The following RAPGEF4 variants were observed in gnomAD, a reference collection of about 807,000 sequenced individuals.
RAPGEF4 encodes the protein Rap guanine nucleotide exchange factor 4, also known as RAP guanine-nucleotide-exchange factor (GEF) 4.
RAPGEF4 carries 66 observed loss-of-function variants against 147.9 expected under a neutral mutation model. That is an observed-to-expected ratio of 0.45 (90% CI 0.37 to 0.55). The LOEUF is 0.55. RAPGEF4 is among the 20% of genes least tolerant of loss of function. The pLI is 0.00. For missense variants in RAPGEF4, 1,071 were observed against 1,257.3 expected (o/e 0.85, Z 2.24); for synonymous variants, 419 against 442.7 (o/e 0.95, Z 0.67).
At chr2:172,821,619 C>G in intron 4 of RAPGEF4, 1 of 1,006,506 alleles carries the variant, frequency 9.9e-7, no homozygotes, top group Non-Finnish European at 1.2e-6. Context: ...GCTTCGATGA[C>G]TTGGACTTAT....
intron 1 of RAPGEF4, among the ~76,000 whole-genome samples, chr2:172,744,708 G>T (rs1422089782): frequency 6.6e-6 from 1 of 152,116 alleles, no homozygotes; most frequent in Non-Finnish European, 1.5e-5. Context: ...TGCCAGGAAT[G>T]CCAGGACAAA....
At chr2:173,009,100 T>G (rs1179659684) in intron 17 of RAPGEF4, among the ~76,000 whole-genome samples, 2 of 152,242 alleles carry the variant, frequency 1.3e-5, no homozygotes, top group Non-Finnish European at 1.5e-5. Context: ...TCCTGTAGAT[T>G]AAATACCCAA....
intron 23 of RAPGEF4, among the ~76,000 whole-genome samples, chr2:173,023,981 T>TA (rs1334480264): frequency 3.9e-5 from 6 of 152,222 alleles, no homozygotes; most frequent in Non-Finnish European, 8.8e-5. Context: ...CAACTTTTTT[T>TA]ACCTAGGACC....
In RAPGEF4 at chr2:173,048,555, C is replaced by T. The variant is rs368622435; in HGVS notation, c.2854-45C>T. The T allele has an allele frequency of 4.7e-5, 76 of 1,612,918 alleles. No individual in the cohort carries two copies. In the Middle Eastern group the frequency reaches 8.2e-4, roughly 17 times the overall value. Reference sequence around the variant, plus strand: ...GTTTTCCTTTTTGGATTGTACTCTACGCTTACTTGAATTTCTATCTTTCTT... The same window carrying T: ...GTTTTCCTTTTTGGATTGTACTCTATGCTTACTTGAATTTCTATCTTTCTT... On this transcript the variant is annotated intron_variant, in intron 29 of 30. Coordinates refer to ENST00000397081, the MANE Select transcript of RAPGEF4 (RefSeq NM_007023.4).
chr2:172,773,732 A>G (rs929021138), intron 1 of RAPGEF4, among the ~76,000 whole-genome samples: 2 of 151,656 alleles, frequency 1.3e-5, no homozygotes, highest in African/African-American at 2.4e-5. Context: ...GGAGCTGGAG[A>G]AAAAAGGCAA....
intron 4 of RAPGEF4, among the ~76,000 whole-genome samples, chr2:172,891,926 C>A (rs567317371): frequency 5.3e-5 from 8 of 152,282 alleles, no homozygotes; most frequent in Admixed American, 2.0e-4. Context: ...GGAAGAAGAG[C>A]TGTCTTTGAA....
chr2:172,781,744 A>G (rs1489445610), intron 1 of RAPGEF4, among the ~76,000 whole-genome samples: 1 of 152,052 alleles, frequency 6.6e-6, no homozygotes, highest in Non-Finnish European at 1.5e-5. Flanking sequence ...ACCTACCTAC[A>G]CACACACACA....
Position 172,967,444 on chromosome 2 carries a change from CGTGA to C in RAPGEF4, c.1004+6_1004+9del. Reference sequence around the variant, plus strand: ...CACATGAGGATGATCCTTCGCAAACCGTGAGTGAGAGCTCGTGGCTCACCCCTCC... The same window carrying C: ...CACATGAGGATGATCCTTCGCAAACCGTGAGAGCTCGTGGCTCACCCCTCC... On this transcript the variant is annotated splice_donor_variant and splice_donor_region_variant and intron_variant, in intron 10 of 30. Transcript: ENST00000397081. LOFTEE classifies it high-confidence loss of function. The C allele has an allele frequency of 6.2e-7, 1 of 1,609,572 alleles. No homozygotes were observed. The highest frequency in any genetic ancestry group is 2.2e-5 in the East Asian group (1 of 44,792).
At chr2:172,978,543 C>T (rs1358334381) in intron 10 of RAPGEF4, among the ~76,000 whole-genome samples, 2 of 152,220 alleles carry the variant, frequency 1.3e-5, no homozygotes, top group Non-Finnish European at 2.9e-5. Flanking sequence ...AAATCTGCCC[C>T]TGTCCACTAC....
At chr2:173,034,131 G>A (rs1683596344) in intron 27 of RAPGEF4, among the ~76,000 whole-genome samples, 167 bp downstream of exon 27, 1 of 152,180 alleles carries the variant, frequency 6.6e-6, no homozygotes, top group Non-Finnish European at 1.5e-5. Context: ...ACTAATGAAT[G>A]GCACCCTCAG....
At chr2:172,964,609 G>A (rs1295536344) in intron 8 of RAPGEF4, among the ~76,000 whole-genome samples, 1 of 151,984 alleles carries the variant, frequency 6.6e-6, no homozygotes, top group Non-Finnish European at 1.5e-5. Context: ...CCCCAGAGGT[G>A]GTGCTGTGCT....
At chr2:172,988,963 G>A (rs1336416775) in intron 14 of RAPGEF4, 124 bp downstream of exon 14, 9 of 1,089,958 alleles carry the variant, frequency 8.3e-6, no homozygotes, top group Non-Finnish European at 1.0e-5. Context: ...GGCACAAAGG[G>A]CCTTTGTTAC....
At chr2:172,776,142 A>G (rs1374408974) in intron 1 of RAPGEF4, among the ~76,000 whole-genome samples, 2 of 152,222 alleles carry the variant, frequency 1.3e-5, no homozygotes, top group African/African-American at 2.4e-5. Flanking sequence ...CTCTTAGAAC[A>G]TAGATTTTTC....
At chr2:172,752,782 T>G (rs527321092) in intron 1 of RAPGEF4, among the ~76,000 whole-genome samples, 12 of 152,334 alleles carry the variant, frequency 7.9e-5, no homozygotes, top group African/African-American at 2.6e-4. Flanking sequence ...GATGTCCAAC[T>G]GGTTGAATGT....
At chr2:172,931,281 A>G (rs1685945161) in intron 6 of RAPGEF4, among the ~76,000 whole-genome samples, 1 of 151,408 alleles carries the variant, frequency 6.6e-6, no homozygotes, top group Non-Finnish European at 1.5e-5. Context: ...CATGGAGCGT[A>G]ATTCTAGATA....
intron 6 of RAPGEF4, chr2:172,928,322 A>ATC: frequency 2.4e-6 from 1 of 419,212 alleles, no homozygotes; most frequent in Non-Finnish European, 4.8e-6. Context: ...TAGCCATACC[A>ATC]TCTCTCTCTC....
intron 4 of RAPGEF4, among the ~76,000 whole-genome samples, chr2:172,833,440 A>G (rs541298131): frequency 6.6e-6 from 1 of 152,344 alleles, no homozygotes; most frequent in African/African-American, 2.4e-5. Context: ...TTCACTCTCC[A>G]CAACAGTGTA....
chr2:172,842,735 G>C (rs1277543318), intron 4 of RAPGEF4, among the ~76,000 whole-genome samples: 2 of 152,232 alleles, frequency 1.3e-5, no homozygotes, highest in Non-Finnish European at 2.9e-5. Flanking sequence ...ACCTGCCTTG[G>C]AAGTCATTCA....
rs560784874 is a variant in RAPGEF4, at chr2:173,016,381, G to C, written c.1842G>C (p.Arg614=). Residue 614 remains arginine (R), a synonymous_variant, in exon 19 of 31, where the codon CGG becomes CGC. Coordinates refer to ENST00000397081, the MANE Select transcript of RAPGEF4 (RefSeq NM_007023.4). ...EFYVSVSDDA[R]MIAALKEQLP... ...ATGTATCTGTATCAGATGATGCCCG[G>C]ATGATTGCTGCCCTCAAGGAGCAAC... 1.1e-4 allele frequency: 181 copies of C among 1,613,876 alleles called. No homozygotes were observed. Among genetic ancestry groups the C allele is most frequent in the Non-Finnish European group, 5.1e-6 (6 of 1,179,742 alleles).
Sources: gnomAD v4.1 joint callset for allele counts (sites outside exome capture counted in the v4.1 genomes callset) on GRCh38, gnomAD v4.1.1 for gene constraint, MANE v1.5 for transcripts, NCBI Gene and HGNC (gene_info 2026-07-23, HGNC 2026-07-21) for gene names.